The following TGFBRAP1 variants were observed in gnomAD, a reference collection of about 807,000 sequenced individuals.
TGFBRAP1 encodes transforming growth factor-beta receptor-associated protein 1.
A neutral mutation model predicts 83.2 loss-of-function variants in TGFBRAP1; 20 were observed. The observed-to-expected ratio is 0.24, with a 90% CI of 0.17 to 0.35. The LOEUF (loss-of-function observed/expected upper bound fraction) is 0.35, where lower values mean the gene tolerates loss of function less well. TGFBRAP1 is among the 10% of genes least tolerant of loss of function. The pLI is 1.00. For missense variants in TGFBRAP1, 950 were observed against 1,099.4 expected (o/e 0.86, Z 1.92); for synonymous variants, 415 against 459.8 (o/e 0.90, Z 1.25).
chr2:105,260,462 G>A (rs1489902308), downstream of TGFBRAP1, among the ~76,000 whole-genome samples: 1 of 152,078 alleles, frequency 6.6e-6, no homozygotes, highest in Non-Finnish European at 1.5e-5. Context: ...GAACTTTGAG[G>A]ACATTATGTC....
chr2:105,287,846 T>C (rs10176570), intron 4 of TGFBRAP1, among the ~76,000 whole-genome samples: 3,969 of 152,078 alleles, frequency 0.026, 198 homozygotes, highest in African/African-American at 0.09. Flanking sequence ...AAATCCTTTT[T>C]TAATGAAAGA....
intron 5 of TGFBRAP1, among the ~76,000 whole-genome samples, chr2:105,282,404 G>A (rs1198468067): frequency 1.3e-5 from 2 of 152,214 alleles, no homozygotes; most frequent in Non-Finnish European, 2.9e-5. Flanking sequence ...CTCCGGCACG[G>A]CACTGAGGAG....
At chr2:105,251,697 A>AGAAAGGGGG in the TGFBRAP1 span, among the ~76,000 whole-genome samples, 5 of 152,318 alleles carry the variant, frequency 3.3e-5, no homozygotes, top group Admixed American at 2.6e-4. Context: ...TTTGTGGAAT[A>AGAAAGGGGG]GAAAGGGGGG....
intron 1 of TGFBRAP1, among the ~76,000 whole-genome samples, chr2:105,313,356 A>G (rs1678752357): frequency 6.6e-6 from 1 of 152,244 alleles, no homozygotes; most frequent in African/African-American, 2.4e-5. Flanking sequence ...CAAGGCCAGG[A>G]GAGCTGACTG....
intron 1 of TGFBRAP1, among the ~76,000 whole-genome samples, chr2:105,314,899 G>A (rs191807109): frequency 2.7e-5 from 4 of 146,252 alleles, no homozygotes; most frequent in South Asian, 4.3e-4. Flanking sequence ...GCAGTGAACC[G>A]AGATCGCACC....
In TGFBRAP1 at chr2:105,308,316, C is replaced by G. The variant is rs1470806757; in HGVS notation, c.-15G>C. The G allele has an allele frequency of 6.3e-7, 1 of 1,590,808 alleles. No individual in the cohort carries two copies. Among genetic ancestry groups the G allele is most frequent in the Non-Finnish European group, 8.6e-7 (1 of 1,163,446 alleles). ...ATGCTCATCATGTCTACTGGCTGATCTGCTGGAAGAGAAAGAGGAAAACTA... is the reference window on the plus strand; with the variant it reads ...ATGCTCATCATGTCTACTGGCTGATGTGCTGGAAGAGAAAGAGGAAAACTA... On this transcript the variant is annotated splice_region_variant and 5_prime_UTR_variant, in exon 2 of 12. Coordinates refer to ENST00000393359, the MANE Select transcript of TGFBRAP1 (RefSeq NM_004257.6).
At chr2:105,286,970 C>A (rs1305188319) in intron 4 of TGFBRAP1, among the ~76,000 whole-genome samples, 9 of 152,298 alleles carry the variant, frequency 5.9e-5, no homozygotes, top group Non-Finnish European at 4.4e-5. Context: ...TTACTATGCA[C>A]TGCCTAACAA....
chr2:105,268,176 T>C lies in TGFBRAP1; in HGVS notation c.2407-617A>G, dbSNP rs565281966. Reference sequence around the variant, plus strand: ...GTGTCAACCGAGGCAGGTTGGTCTATTGGCAGGATCAAGCAGCAACTTAGC... The same window carrying C: ...GTGTCAACCGAGGCAGGTTGGTCTACTGGCAGGATCAAGCAGCAACTTAGC... On this transcript the variant is annotated intron_variant, in intron 11 of 11. Coordinates refer to ENST00000393359, the MANE Select transcript of TGFBRAP1 (RefSeq NM_004257.6). 1.3e-3 allele frequency among the ~76,000 whole-genome samples: 198 copies of C among 152,330 alleles called. 1 individual carries two copies. The highest frequency in any genetic ancestry group is 2.0e-3 in the African/African-American group (85 of 41,570).
At chr2:105,292,777 T>C (rs951531328) in intron 4 of TGFBRAP1, among the ~76,000 whole-genome samples, 1 of 152,184 alleles carries the variant, frequency 6.6e-6, no homozygotes, top group African/African-American at 2.4e-5. Flanking sequence ...GAATATACTT[T>C]GTTTTACTGA....
At chr2:105,273,332 T>G (rs533682710) in intron 9 of TGFBRAP1, among the ~76,000 whole-genome samples, 1 of 152,194 alleles carries the variant, frequency 6.6e-6, no homozygotes, top group Admixed American at 6.5e-5. Flanking sequence ...AAATAAAAGC[T>G]GAGTGGGTGT....
At chr2:105,294,205 C>T (rs72823857) in intron 4 of TGFBRAP1, among the ~76,000 whole-genome samples, 2,301 of 152,128 alleles carry the variant, frequency 0.015, 59 homozygotes, top group African/African-American at 0.052. Flanking sequence ...TGCCTTGAAG[C>T]GTTCCTGACA....
At chr2:105,291,960 T>C (rs887147159) in intron 4 of TGFBRAP1, among the ~76,000 whole-genome samples, 9 of 152,230 alleles carry the variant, frequency 5.9e-5, no homozygotes, top group African/African-American at 2.2e-4. Context: ...AATTCTATCA[T>C]GGTAGAACAT....
At chr2:105,272,496 G>A (rs533979130) in intron 10 of TGFBRAP1, among the ~76,000 whole-genome samples, 1 of 152,176 alleles carries the variant, frequency 6.6e-6, no homozygotes, top group East Asian at 1.9e-4. Flanking sequence ...CAATCAAAGG[G>A]CACCGTCCAT....
intron 1 of TGFBRAP1, among the ~76,000 whole-genome samples, chr2:105,317,814 A>G (rs549351023): frequency 3.9e-5 from 6 of 152,334 alleles, no homozygotes; most frequent in Non-Finnish European, 7.3e-5. Flanking sequence ...TAACAGAAGG[A>G]TGGGCGAAAT....
chr2:105,300,742 A>G (rs1678260039), intron 2 of TGFBRAP1, among the ~76,000 whole-genome samples: 1 of 152,074 alleles, frequency 6.6e-6, no homozygotes, highest in African/African-American at 2.4e-5. Flanking sequence ...CAGCCTATCA[A>G]ATCTTTATAA....
intron 4 of TGFBRAP1, among the ~76,000 whole-genome samples, chr2:105,292,522 T>C (rs1468708105): frequency 1.3e-5 from 2 of 151,220 alleles, no homozygotes; most frequent in Admixed American, 6.6e-5. Flanking sequence ...AAGGTAATCA[T>C]TAAAACAAAA....
Position 105,280,480 on chromosome 2 carries a change from C to T in TGFBRAP1, c.1365G>A (p.Leu455=), listed in dbSNP as rs1677497652. 2.5e-6 allele frequency: 4 copies of T among 1,614,226 alleles called. No individual in the cohort carries two copies. Among genetic ancestry groups the T allele is most frequent in the African/African-American group, 1.3e-5 (1 of 75,064 alleles). The change falls in exon 6 of 12, where the codon CTG becomes CTA. Residue 455 remains leucine, a synonymous_variant. Transcript: ENST00000393359. The part of the protein sequence containing the change: ...KEDIDTALLK[L]YAEADHDSLL... ...GGCTGTCGTGGTCAGCCTCTGCATA[C>T]AGTTTGAGCAAGGCTGTGTCGATGT... is the stretch of plus-strand genomic sequence containing the variant.
At position 105,267,409 on chromosome 2, in the gene TGFBRAP1, A is replaced by C; in HGVS notation, c.2557T>G (p.Ser853Ala). Residue 853 changes from serine (S) to alanine (A), a missense_variant, in exon 12 of 12, where the codon TCA becomes GCA. Coordinates refer to ENST00000393359, the MANE Select transcript of TGFBRAP1 (RefSeq NM_004257.6). ...CAAGTCCGAGTGCCAGGACTGGATG[A>C]GCTGGGGTTTGTGTGTCTGCTGGCG... ...CAASRHTNPS[S>A]SSPGTRT is the part of the protein sequence containing the mutation. The C allele has an allele frequency of 6.2e-7, 1 of 1,614,134 alleles. No homozygotes were observed. Among genetic ancestry groups the C allele is most frequent in the Non-Finnish European group, 8.5e-7 (1 of 1,180,024 alleles).
downstream of TGFBRAP1, among the ~76,000 whole-genome samples, chr2:105,261,356 C>T (rs1363442010): frequency 6.6e-6 from 1 of 152,144 alleles, no homozygotes; most frequent in Non-Finnish European, 1.5e-5. Context: ...TCGTTGCACA[C>T]ACATGGATTC....
Sources: gnomAD v4.1 joint callset for allele counts (sites outside exome capture counted in the v4.1 genomes callset) on GRCh38, gnomAD v4.1.1 for gene constraint, MANE v1.5 for transcripts, NCBI Gene and HGNC (gene_info 2026-07-23, HGNC 2026-07-21) for gene names.